PARD3: variants seen among roughly 807,000 people sequenced by gnomAD.
PARD3 encodes the protein par-3 family cell polarity regulator.
In PARD3, 75 loss-of-function variants were observed where a neutral mutation model predicts 155.4. That is an observed-to-expected ratio of 0.48 (90% CI 0.40 to 0.58). The LOEUF (loss-of-function observed/expected upper bound fraction) is 0.58. PARD3 is among the 20% of genes least tolerant of loss of function. The pLI is 0.00. For missense variants in PARD3, 1,642 were observed against 1,721.7 expected, an observed-to-expected ratio of 0.95 and a Z score of 0.82; for synonymous variants, 576 against 610.5, an observed-to-expected ratio of 0.94 and a Z score of 0.83.
At chr10:34,744,503 C>T (rs1339037715) in intron 1 of PARD3, among the ~76,000 whole-genome samples, 1 of 152,224 alleles carries the variant, frequency 6.6e-6, no homozygotes, top group African/African-American at 2.4e-5. Flanking sequence ...GATTTTTACA[C>T]CTGCTAATGC....
intron 5 of PARD3, among the ~76,000 whole-genome samples, chr10:34,437,858 AAG>A (rs745975809): frequency 5.3e-5 from 8 of 152,368 alleles, no homozygotes; most frequent in East Asian, 3.9e-4. Flanking sequence ...TATAAACATG[AAG>A]AGTTATTTAA....
At chr10:34,347,937 G>T in intron 15 of PARD3, 28 bp downstream of exon 15, 3 of 1,584,304 alleles carry the variant, frequency 1.9e-6, no homozygotes, top group Non-Finnish European at 2.6e-6. Flanking sequence ...AAAATAAGAT[G>T]TGATAAACAG....
At position 34,382,893 on chromosome 10, in the gene PARD3, C is replaced by A. The variant is rs199923448; in HGVS notation, c.1046G>T (p.Arg349Leu). The A allele has an allele frequency of 1.9e-6, 3 of 1,613,992 alleles. No homozygotes were observed. The highest frequency in any genetic ancestry group is 2.2e-5 in the South Asian group (2 of 91,046). Reference protein sequence around the residue: ...QAQHMFRQAMRTPIIWFHVVP... With the variant: ...QAQHMFRQAMLTPIIWFHVVP... ...CACATGGAACCAAATGATGGGTGTA[C>A]GCATGGCTTGGCGAAACATATGTTG... The change falls in exon 9 of 25, where the codon CGT (arginine) becomes CTT (leucine). Residue 349 changes from arginine to leucine, a missense_variant. Transcript: ENST00000374788.
At chr10:34,430,355 C>T (rs77027317) in intron 5 of PARD3, among the ~76,000 whole-genome samples, 11,249 of 152,120 alleles carry the variant, frequency 0.074, 569 homozygotes, top group African/African-American at 0.15. Flanking sequence ...GACTATTGTA[C>T]GTAATTTACT....
chr10:34,473,200 TG>T (rs2078471419), intron 3 of PARD3, among the ~76,000 whole-genome samples: 1 of 152,194 alleles, frequency 6.6e-6, no homozygotes, highest in African/African-American at 2.4e-5. Context: ...TTAAACTTTT[TG>T]TTTGCATTTC....
At chr10:34,604,389 G>A (rs2090045915) in intron 2 of PARD3, among the ~76,000 whole-genome samples, 2 of 151,926 alleles carry the variant, frequency 1.3e-5, no homozygotes, top group Admixed American at 1.3e-4. Flanking sequence ...ATGAAAAGGA[G>A]AGACAGGCCT....
intron 17 of PARD3, 25 bp downstream of exon 17, chr10:34,337,250 A>G: frequency 6.9e-7 from 1 of 1,445,882 alleles, no homozygotes; most frequent in South Asian, 1.4e-5. Flanking sequence ...TTATTTAGAT[A>G]AAGATTCATG....
chr10:34,709,853 T>C (rs1484666860), intron 1 of PARD3, among the ~76,000 whole-genome samples: 1 of 152,200 alleles, frequency 6.6e-6, no homozygotes, highest in Non-Finnish European at 1.5e-5. Flanking sequence ...CTTTGTATGA[T>C]TCTCTCAGCT....
At chr10:34,800,198 T>C (rs900257980) in intron 1 of PARD3, among the ~76,000 whole-genome samples, 2 of 152,054 alleles carry the variant, frequency 1.3e-5, no homozygotes, top group Non-Finnish European at 2.9e-5. Context: ...CTGTAAACTC[T>C]GGATTACACC....
chr10:34,525,426 G>A (rs1019917327), intron 2 of PARD3, among the ~76,000 whole-genome samples: 17 of 152,202 alleles, frequency 1.1e-4, no homozygotes, highest in Admixed American at 1.3e-4. Context: ...CAGGAAACTT[G>A]ACCTCAAACC....
intron 1 of PARD3, among the ~76,000 whole-genome samples, chr10:34,708,649 G>A (rs1189245289): frequency 6.6e-6 from 1 of 152,118 alleles, no homozygotes; most frequent in African/African-American, 2.4e-5. Flanking sequence ...AGTATCAGTG[G>A]TGCATTTCAC....
chr10:34,770,445 G>A (rs1020670454), intron 1 of PARD3, among the ~76,000 whole-genome samples: 18 of 152,214 alleles, frequency 1.2e-4, no homozygotes, highest in Admixed American at 6.5e-5. Context: ...ACATAAAAGG[G>A]TTATCTGGAT....
chr10:34,344,801 G>C, intron 15 of PARD3: 1 of 985,386 alleles, frequency 1.0e-6, no homozygotes, highest in African/African-American at 1.7e-5. Flanking sequence ...CCCAACAAAA[G>C]CTAAGGAAAT....
At chr10:34,358,132 T>C (rs1298750904) in intron 14 of PARD3, among the ~76,000 whole-genome samples, 3 of 152,226 alleles carry the variant, frequency 2.0e-5, no homozygotes, top group African/African-American at 7.2e-5. Context: ...ACAGCTCATT[T>C]TGCACATGGG....
At position 34,814,951 on chromosome 10, in the gene PARD3, C is replaced by A. The variant is rs923291600; in HGVS notation, c.45G>T (p.Pro15=). 75 of 1,563,790 alleles carry A rather than the reference C, an allele frequency of 4.8e-5. No individual in the cohort carries two copies. The highest frequency in any genetic ancestry group is 6.5e-5 in the Non-Finnish European group (75 of 1,157,300). ...VCFGRTRVVV[P]CGDGHMKVFS... ...AAACTTTCATGTGGCCGTCCCCGCA[C>A]GGCACGACCACCCGGGTCCGTCCGA... Residue 15 remains proline, a synonymous_variant, in exon 1 of 25, where the codon CCG becomes CCT. Coordinates refer to ENST00000374788, the MANE Select transcript of PARD3 (RefSeq NM_001184785.2).
chr10:34,757,169 C>A (rs1247547449), intron 1 of PARD3, among the ~76,000 whole-genome samples: 1 of 152,188 alleles, frequency 6.6e-6, no homozygotes, highest in Non-Finnish European at 1.5e-5. Context: ...AACTTCCTCA[C>A]ATCTAAAATA....
chr10:34,717,065 C>A (rs1423138960), intron 1 of PARD3, among the ~76,000 whole-genome samples: 1 of 151,856 alleles, frequency 6.6e-6, no homozygotes, highest in East Asian at 1.9e-4. Context: ...AAAGATTGGA[C>A]CCCCCTGCTT....
At chr10:34,236,568 T>C (rs1287776139) in intron 22 of PARD3, among the ~76,000 whole-genome samples, 4 of 152,192 alleles carry the variant, frequency 2.6e-5, no homozygotes, top group African/African-American at 9.6e-5. Context: ...ACTGTTGTTT[T>C]TCCTGTTTGG....
intron 22 of PARD3, among the ~76,000 whole-genome samples, chr10:34,224,654 G>A (rs967504396): frequency 4.6e-5 from 7 of 152,210 alleles, no homozygotes; most frequent in African/African-American, 1.7e-4. Context: ...AGAGGGACAA[G>A]TGCCCATCTC....
Sources: allele counts gnomAD v4.1 joint callset (sites outside exome capture counted in the v4.1 genomes callset), GRCh38; gene constraint gnomAD v4.1.1; transcripts MANE v1.5; gene names NCBI Gene and HGNC (gene_info 2026-07-23, HGNC 2026-07-21).